The following SIN3B variants were observed in gnomAD, a reference collection of about 807,000 sequenced individuals.
SIN3B encodes the protein SIN3 transcription regulator family member B, also known as paired amphipathic helix protein Sin3b.
Under a neutral mutation model 120.2 loss-of-function variants are expected in SIN3B, and 19 were observed. The observed-to-expected ratio is 0.16, with a 90% CI of 0.11 to 0.23. SIN3B has a LOEUF of 0.23. SIN3B is among the 10% of genes least tolerant of loss of function. The pLI, the probability that SIN3B is intolerant of heterozygous loss-of-function variation, is 1.00. For synonymous variants in SIN3B, 654 were observed against 653.2 expected (o/e 1.00, Z -0.02); for missense variants, 1,073 against 1,573.0 (o/e 0.68, Z 5.38).
chr19:16,864,391 T>C (rs111708740), intron 10 of SIN3B, among the ~76,000 whole-genome samples: 4 of 152,152 alleles, frequency 2.6e-5, no homozygotes, highest in African/African-American at 9.6e-5. Flanking sequence ...TGCAGTGGCG[T>C]AATCATGGAT....
At chr19:16,871,591 A>G (rs971998825) in intron 14 of SIN3B, 193 bp downstream of exon 14, 19 of 571,440 alleles carry the variant, frequency 3.3e-5, no homozygotes, top group Admixed American at 7.0e-5. Flanking sequence ...TGGTACATTC[A>G]CAATATTGTG....
At chr19:16,855,370 T>TTGG in intron 8 of SIN3B, 1 of 52,964 alleles carries the variant, frequency 1.9e-5, no homozygotes. Context: ...GGAGAAACCT[T>TTGG]CCCCCCCCCC....
chr19:16,855,370 T>TCCCCCC, intron 8 of SIN3B: 1 of 52,944 alleles, frequency 1.9e-5, no homozygotes, highest in Non-Finnish European at 3.6e-5. Context: ...GGAGAAACCT[T>TCCCCCC]CCCCCCCCCC....
intron 1 of SIN3B, 28 bp from the exon 2 acceptor site, chr19:16,829,763 C>G: frequency 6.4e-7 from 1 of 1,564,822 alleles, no homozygotes. Flanking sequence ...GCGGCCAGGG[C>G]CCACCGGGAC....
At chr19:16,875,147 TGGTCTGGTTTG>T (rs1387485041) in intron 14 of SIN3B, among the ~76,000 whole-genome samples, 2 of 147,968 alleles carry the variant, frequency 1.4e-5, no homozygotes, top group African/African-American at 2.5e-5. Flanking sequence ...GGTCTGGTTT[TGGTCTGGTTTG>T]GGTCTGGTCT....
At chr19:16,845,653 G>C (rs993527705) in intron 4 of SIN3B, among the ~76,000 whole-genome samples, 1 of 152,238 alleles carries the variant, frequency 6.6e-6, no homozygotes, top group African/African-American at 2.4e-5. Context: ...AGTCAGATGA[G>C]CAGAGATGGC....
chr19:16,865,655 T>C lies in SIN3B; in HGVS notation c.1622+7T>C. 1.9e-6 allele frequency: 3 copies of C among 1,580,736 alleles called. No individual in the cohort carries two copies. Among genetic ancestry groups the C allele is most frequent in the Non-Finnish European group, 2.6e-6 (3 of 1,156,878 alleles). On this transcript the variant is annotated splice_region_variant and intron_variant, in intron 11 of 18. Transcript: ENST00000248054. The stretch of plus-strand genomic sequence containing the variant: ...TCCCCGTTGTCCTGAAAAGGTGCCC[T>C]GTGGCGTCCCGACTTCCCTTCCCCT...
rs2051652812 is a variant in SIN3B at position 16,878,930 on chromosome 19, G to A, written c.*203G>A. 1.0e-5 allele frequency: 6 copies of A among 583,132 alleles called. No individual in the cohort carries two copies. The South Asian group carries it at 1.1e-4, about 10-fold the overall frequency. The allele number at this position is 583,132 out of a possible 1,614,324, so 36.1% of individuals were successfully genotyped here. On this transcript the variant is annotated 3_prime_UTR_variant, in exon 19 of 19. Coordinates refer to ENST00000248054, the MANE Select transcript of SIN3B (RefSeq NM_001297595.2). ...GCTGTGTGCCAAACCTGAGCTACCT[G>A]CACCCGAGCCCTGGGGCTCAGCCCC...
Position 16,879,030 on chromosome 19 carries a change from A to G in SIN3B, c.*303A>G, listed in dbSNP as rs2144638814. 1 of 460,482 alleles carries G rather than the reference A, an allele frequency of 2.2e-6. No individual in the cohort carries two copies. Among genetic ancestry groups the G allele is most frequent in the African/African-American group, 2.0e-5 (1 of 49,770 alleles). The allele number at this position is 460,482 out of a possible 1,614,324, so 28.5% of individuals were successfully genotyped here. On this transcript the variant is annotated 3_prime_UTR_variant, in exon 19 of 19. Coordinates refer to ENST00000248054, the MANE Select transcript of SIN3B (RefSeq NM_001297595.2). Reference sequence around the variant, plus strand: ...GCGTCCCCGTCCGTCACATGTGCCAAATCCCTGGCAGGCAGATGGCTCCTG... The same window carrying G: ...GCGTCCCCGTCCGTCACATGTGCCAGATCCCTGGCAGGCAGATGGCTCCTG...
At chr19:16,858,319 G>C (rs1971643043) in intron 8 of SIN3B, among the ~76,000 whole-genome samples, 1 of 152,046 alleles carries the variant, frequency 6.6e-6, no homozygotes, top group African/African-American at 2.4e-5. Flanking sequence ...TCCCAGGTTT[G>C]CTCATTCATT....
chr19:16,866,276 C>T (rs1010182354), intron 11 of SIN3B, 97 bp from the exon 12 acceptor site: 6 of 1,264,480 alleles, frequency 4.7e-6, no homozygotes, highest in Non-Finnish European at 6.6e-6. Flanking sequence ...GGTCCTGGAC[C>T]CCCAGTCAAG....
intron 2 of SIN3B, among the ~76,000 whole-genome samples, 196 bp from the exon 3 acceptor site, chr19:16,831,298 G>A (rs959055246): frequency 6.6e-6 from 1 of 152,070 alleles, no homozygotes; most frequent in Non-Finnish European, 1.5e-5. Context: ...CTTGACCTCA[G>A]GTGATCTGCC....
chr19:16,849,453 A>G (rs1193942174), intron 5 of SIN3B, among the ~76,000 whole-genome samples: 1 of 152,228 alleles, frequency 6.6e-6, no homozygotes, highest in African/African-American at 2.4e-5. Flanking sequence ...TATTTACAAA[A>G]TGAATGGGCA....
At chr19:16,877,116 G>A (rs1038674525) in intron 16 of SIN3B, 1 of 227,528 alleles carries the variant, frequency 4.4e-6, no homozygotes, top group African/African-American at 2.3e-5. Flanking sequence ...ACATTACTCA[G>A]CTAGGCCAAC....
In SIN3B at chr19:16,862,739, G is replaced by C; in HGVS notation, c.1266+180G>C. On this transcript the variant is annotated intron_variant, in intron 9 of 18. Coordinates refer to ENST00000248054, the MANE Select transcript of SIN3B (RefSeq NM_001297595.2). This position sits in a 1 kb window ranked among gnomAD's most constrained non-coding sequence, Gnocchi z 4.7. ...CCACCTGAGCAGAGACAACAGTGTT[G>C]TACCCTGCTGGTAGTTTTGGCAAAA... The C allele has an allele frequency of 1.0e-6, 1 of 962,396 alleles. No homozygotes were observed. Among genetic ancestry groups the C allele is most frequent in the South Asian group, 1.4e-5 (1 of 69,290 alleles). The allele number at this position is 962,396 out of a possible 1,614,324, so 59.6% of individuals were successfully genotyped here. A position where few individuals can be genotyped will look rare whatever the true frequency, so the allele number is the denominator to read the frequency against.
chr19:16,850,123 C>A (rs921204139), intron 5 of SIN3B, among the ~76,000 whole-genome samples: 12 of 151,706 alleles, frequency 7.9e-5, no homozygotes, highest in Admixed American at 7.2e-4. Context: ...CCAAATTATT[C>A]TTCTAAGTCT....
chr19:16,866,901 C>T (rs1279174287), intron 12 of SIN3B, among the ~76,000 whole-genome samples: 3 of 152,150 alleles, frequency 2.0e-5, no homozygotes, highest in African/African-American at 2.4e-5. Context: ...GGACTACAGG[C>T]GCACACCACC....
intron 14 of SIN3B, among the ~76,000 whole-genome samples, chr19:16,871,831 T>G (rs748807219): frequency 1.2e-4 from 18 of 152,248 alleles, no homozygotes; most frequent in Non-Finnish European, 1.9e-4. Context: ...GGGCTGTGGC[T>G]GCCTTATAGA....
In SIN3B at chr19:16,878,695, G is replaced by A. The variant is rs746830706; in HGVS notation, c.3361G>A (p.Val1121Met). 3.7e-6 allele frequency: 6 copies of A among 1,610,486 alleles called. No homozygotes were observed. Among genetic ancestry groups the A allele is most frequent in the Non-Finnish European group, 4.2e-6 (5 of 1,179,194 alleles). Reference sequence around the variant, plus strand: ...CGGCCTGCCCGTGACCCGCTACCGCGTGCAGTACAGCCGCCGCCCGGCCTC... The same window carrying A: ...CGGCCTGCCCGTGACCCGCTACCGCATGCAGTACAGCCGCCGCCCGGCCTC... ...VHGLPVTRYR[V>M]QYSRRPASP The change falls in exon 19 of 19, where the codon GTG becomes ATG. Residue 1121 changes from valine to methionine, a missense_variant. Physicochemically the swap from Val to Met is conservative, Grantham distance 21. Transcript: ENST00000248054.
Sources: allele counts gnomAD v4.1 joint callset (sites outside exome capture counted in the v4.1 genomes callset), GRCh38; gene constraint gnomAD v4.1.1; non-coding constraint Gnocchi (gnomAD v3.1); transcripts MANE v1.5; gene names NCBI Gene and HGNC (gene_info 2026-07-23, HGNC 2026-07-21).